PDE4B: variants seen among roughly 807,000 people sequenced by gnomAD.
The protein encoded by PDE4B is 3',5'-cyclic-AMP phosphodiesterase 4B.
PDE4B carries 20 observed loss-of-function variants against 82.2 expected under a neutral mutation model. The observed-to-expected ratio is 0.24, with a 90% CI of 0.17 to 0.35. PDE4B has a LOEUF of 0.35. Among genes scored for constraint, PDE4B ranks in the 10% least tolerant of loss-of-function variants. The pLI is 1.00. For synonymous variants in PDE4B, 320 were observed against 318.9 expected, an observed-to-expected ratio of 1.00 and a Z score of -0.04; for missense variants, 655 against 907.2, an observed-to-expected ratio of 0.72 and a Z score of 3.57.
In PDE4B at chr1:66,353,914, G is replaced by A. The variant is rs542205745; in HGVS notation, c.748-1613G>A. Among the ~76,000 whole-genome samples the A allele has an allele frequency of 7.2e-5, 11 of 152,234 alleles. No individual in the cohort carries two copies. In the East Asian group the frequency reaches 1.9e-3, roughly 27 times the overall value. On this transcript the variant is annotated intron_variant, in intron 8 of 16. Transcript: ENST00000341517. ...ACACACTCTGGATCCTAGATGGAAAGGTTAAAAGAGTTTAATACATTTGTC... is the reference window on the plus strand; with the variant it reads ...ACACACTCTGGATCCTAGATGGAAAAGTTAAAAGAGTTTAATACATTTGTC...
At chr1:65,794,495 T>C (rs34227754) in intron 1 of PDE4B, among the ~76,000 whole-genome samples, 14,198 of 152,180 alleles carry the variant, frequency 0.093, 822 homozygotes, top group South Asian at 0.15. Context: ...AATTTATCTG[T>C]ACATGAATTC....
Position 66,149,227 on chromosome 1 carries a change from GGTGA to G in PDE4B, c.282-98230_282-98227del, listed in dbSNP as rs1187741843. ...ATATGCATTGCTCTTGAATGATGAT[GGTGA>G]GTATCTTTTCATGTGCTAATGGCCA... On this transcript the variant is annotated intron_variant, in intron 3 of 16. Transcript: ENST00000341517. 2.0e-5 allele frequency among the ~76,000 whole-genome samples: 3 copies of G among 151,956 alleles called. 1 individual carries two copies. Among genetic ancestry groups the G allele is most frequent in the Non-Finnish European group, 4.4e-5 (3 of 67,968 alleles).
At chr1:66,271,795 C>T (rs1367262318) in intron 7 of PDE4B, among the ~76,000 whole-genome samples, 1 of 152,192 alleles carries the variant, frequency 6.6e-6, no homozygotes, top group Non-Finnish European at 1.5e-5. Flanking sequence ...TCTACACAGC[C>T]TATCTTGATG....
At chr1:66,351,792 C>T (rs1019035246) in intron 8 of PDE4B, among the ~76,000 whole-genome samples, 2 of 152,168 alleles carry the variant, frequency 1.3e-5, no homozygotes, top group Admixed American at 6.5e-5. Flanking sequence ...TCAACAGAAA[C>T]ACTCCCATGT....
intron 1 of PDE4B, among the ~76,000 whole-genome samples, chr1:65,839,649 A>G (rs1298536329): frequency 6.6e-6 from 1 of 152,026 alleles, no homozygotes; most frequent in African/African-American, 2.4e-5. Flanking sequence ...TATGTGCCAC[A>G]TTTTCTTTAT....
At chr1:66,132,883 G>A (rs1331870971) in intron 3 of PDE4B, among the ~76,000 whole-genome samples, 1 of 152,160 alleles carries the variant, frequency 6.6e-6, no homozygotes, top group Non-Finnish European at 1.5e-5. Flanking sequence ...GAAGACCAAG[G>A]TCATCCAACT....
At chr1:66,070,417 G>A (rs1656094934) in intron 3 of PDE4B, among the ~76,000 whole-genome samples, 1 of 151,986 alleles carries the variant, frequency 6.6e-6, no homozygotes, top group Non-Finnish European at 1.5e-5. Context: ...ATGGTAGAGG[G>A]AAAAGTAGAT....
chr1:65,806,103 G>A (rs4655589), intron 1 of PDE4B, among the ~76,000 whole-genome samples: 26,636 of 151,898 alleles, frequency 0.18, 2,855 homozygotes, highest in East Asian at 0.44. Flanking sequence ...ACCTTTAATC[G>A]ATGGTGTCTT....
chr1:65,928,263 C>T (rs1647619383), intron 3 of PDE4B, among the ~76,000 whole-genome samples: 1 of 152,136 alleles, frequency 6.6e-6, no homozygotes, highest in Non-Finnish European at 1.5e-5. Context: ...ATTGAGGGGC[C>T]ATTATTCTCT....
At chr1:66,260,246 G>C (rs903557581) in intron 6 of PDE4B, among the ~76,000 whole-genome samples, 1 of 152,166 alleles carries the variant, frequency 6.6e-6, no homozygotes, top group Non-Finnish European at 1.5e-5. Flanking sequence ...GGGCAAGAAC[G>C]TACAGCTTCC....
intron 3 of PDE4B, among the ~76,000 whole-genome samples, chr1:66,064,539 G>T (rs964101052): frequency 6.6e-6 from 1 of 151,978 alleles, no homozygotes; most frequent in Non-Finnish European, 1.5e-5. Flanking sequence ...CCAATTTCTT[G>T]CTGGTATTTA....
At chr1:66,221,555 A>G (rs1488835967) in intron 3 of PDE4B, among the ~76,000 whole-genome samples, 1 of 152,220 alleles carries the variant, frequency 6.6e-6, no homozygotes, top group African/African-American at 2.4e-5. Flanking sequence ...TGTGTTATAG[A>G]TTAGGTAATT....
intron 3 of PDE4B, among the ~76,000 whole-genome samples, chr1:66,058,418 G>A (rs976275708): frequency 6.6e-6 from 1 of 152,240 alleles, no homozygotes; most frequent in Non-Finnish European, 1.5e-5. Flanking sequence ...CCAATAGGCA[G>A]TGCCCCAGTA....
intron 8 of PDE4B, among the ~76,000 whole-genome samples, chr1:66,333,467 T>TACAC (rs34525171): frequency 1.3e-5 from 2 of 151,172 alleles, no homozygotes; most frequent in African/African-American, 4.9e-5. Flanking sequence ...TATGTGTGTG[T>TACAC]ACACACACAC....
intron 3 of PDE4B, among the ~76,000 whole-genome samples, chr1:65,977,832 C>G (rs1650488379): frequency 6.6e-6 from 1 of 152,038 alleles, no homozygotes; most frequent in African/African-American, 2.4e-5. Context: ...GGTAATCCAG[C>G]AGGTAACTGT....
At chr1:65,849,774 A>G (rs769393852) in intron 1 of PDE4B, among the ~76,000 whole-genome samples, 1 of 152,246 alleles carries the variant, frequency 6.6e-6, no homozygotes, top group Non-Finnish European at 1.5e-5. Context: ...TACCAGAACC[A>G]GAACAAGAAC....
At chr1:65,835,192 G>C (rs60936790) in intron 1 of PDE4B, among the ~76,000 whole-genome samples, 4,815 of 152,236 alleles carry the variant, frequency 0.032, 198 homozygotes, top group East Asian at 0.079. Flanking sequence ...ATTGCTTTCT[G>C]TCTTTTTCTG....
intron 3 of PDE4B, among the ~76,000 whole-genome samples, chr1:66,011,234 A>G (rs1652470098): frequency 6.6e-6 from 1 of 151,600 alleles, no homozygotes; most frequent in Admixed American, 6.6e-5. Flanking sequence ...AAAAAAAAAA[A>G]AAAAAGAACT....
chr1:65,854,565 GAC>G (rs1557780343), intron 1 of PDE4B, among the ~76,000 whole-genome samples: 2 of 151,534 alleles, frequency 1.3e-5, no homozygotes, highest in East Asian at 1.9e-4. Flanking sequence ...TGGCTCCAAT[GAC>G]TGCTGCACAC....
Sources: gnomAD v4.1 joint callset for allele counts (sites outside exome capture counted in the v4.1 genomes callset) on GRCh38, gnomAD v4.1.1 for gene constraint, MANE v1.5 for transcripts, NCBI Gene and HGNC (gene_info 2026-07-23, HGNC 2026-07-21) for gene names.